KIAA1217: variants seen among roughly 807,000 people sequenced by gnomAD.
KIAA1217 encodes sickle tail protein homolog.
A neutral mutation model predicts 163.9 loss-of-function variants in KIAA1217; 88 were observed. The observed-to-expected ratio is 0.54, with a 90% CI of 0.45 to 0.64. The LOEUF (loss-of-function observed/expected upper bound fraction) is 0.64, where lower values mean the gene tolerates loss of function less well. KIAA1217 is among the 30% of genes least tolerant of loss of function. The pLI, the probability that KIAA1217 is intolerant of heterozygous loss-of-function variation, is 0.00. For missense variants in KIAA1217, 2,372 were observed against 2,475.0 expected (o/e 0.96, Z 0.88); for synonymous variants, 903 against 923.1 (o/e 0.98, Z 0.39).
intron 1 of KIAA1217, chr10:24,007,087 C>A (rs1426646592): frequency 6.6e-6 from 1 of 151,884 alleles, no homozygotes; most frequent in Non-Finnish European, 1.5e-5. Flanking sequence ...TACAAAGCAT[C>A]CTGAGCCAGG....
At chr10:24,148,517 C>A (rs2064447146) in intron 2 of KIAA1217, among the ~76,000 whole-genome samples, 1 of 152,060 alleles carries the variant, frequency 6.6e-6, no homozygotes, top group African/African-American at 2.4e-5. Flanking sequence ...GGCGCTATTC[C>A]CATGGTAATG....
At chr10:23,929,555 C>T (rs995797667) in intron 1 of KIAA1217, among the ~76,000 whole-genome samples, 12 of 152,116 alleles carry the variant, frequency 7.9e-5, no homozygotes, top group African/African-American at 2.9e-4. Flanking sequence ...TAAGTGAGAA[C>T]ATGTAGTATT....
intron 1 of KIAA1217, among the ~76,000 whole-genome samples, chr10:23,924,062 T>G (rs574715141): frequency 1.3e-5 from 2 of 152,166 alleles, no homozygotes; most frequent in African/African-American, 4.8e-5. Flanking sequence ...AAATGTTATA[T>G]TTAGAATTAC....
intron 1 of KIAA1217, among the ~76,000 whole-genome samples, chr10:23,936,297 G>T (rs1032104906): frequency 6.6e-6 from 1 of 152,066 alleles, no homozygotes; most frequent in African/African-American, 2.4e-5. Flanking sequence ...AGGGAAAGGT[G>T]GAGTGTAGAA....
chr10:23,775,862 G>A (rs1834988117), intron 1 of KIAA1217, among the ~76,000 whole-genome samples: 2 of 151,986 alleles, frequency 1.3e-5, no homozygotes, highest in Non-Finnish European at 2.9e-5. Flanking sequence ...TTTCCCACTG[G>A]TCAGTGCCTT....
chr10:24,141,225 A>AACCCCCCCC (rs796365302), intron 2 of KIAA1217, among the ~76,000 whole-genome samples: 1 of 76,258 alleles, frequency 1.3e-5, no homozygotes, highest in Non-Finnish European at 2.7e-5. Flanking sequence ...GAAAGAATAA[A>AACCCCCCCC]CCCCCCCCCC....
intron 2 of KIAA1217, among the ~76,000 whole-genome samples, chr10:24,306,037 A>G (rs1393366943): frequency 6.6e-6 from 1 of 152,204 alleles, no homozygotes; most frequent in Non-Finnish European, 1.5e-5. Flanking sequence ...AGAGAGTTAT[A>G]TTCAAATTCT....
At chr10:23,780,596 ATCT>A (rs1835213069) in intron 1 of KIAA1217, among the ~76,000 whole-genome samples, 1 of 152,220 alleles carries the variant, frequency 6.6e-6, no homozygotes, top group Non-Finnish European at 1.5e-5. Context: ...AAAAGGCAAG[ATCT>A]TCTTTCTTAA....
chr10:24,085,133 C>T (rs1237870169), intron 2 of KIAA1217, among the ~76,000 whole-genome samples: 2 of 152,074 alleles, frequency 1.3e-5, no homozygotes, highest in Non-Finnish European at 2.9e-5. Context: ...CCAGGATGGT[C>T]TCGATCTCCT....
At chr10:24,131,431 T>C (rs1444484177) in intron 2 of KIAA1217, among the ~76,000 whole-genome samples, 2 of 152,202 alleles carry the variant, frequency 1.3e-5, no homozygotes, top group African/African-American at 4.8e-5. Flanking sequence ...GAAAACATTT[T>C]CACAAAAATA....
chr10:23,935,891 C>A (rs1266484453), intron 1 of KIAA1217, among the ~76,000 whole-genome samples: 4 of 152,088 alleles, frequency 2.6e-5, no homozygotes. Flanking sequence ...AGGGTCCCAA[C>A]AGAAAACAGA....
chr10:23,766,486 G>A (rs1834520348), intron 1 of KIAA1217, among the ~76,000 whole-genome samples: 1 of 151,894 alleles, frequency 6.6e-6, no homozygotes, highest in South Asian at 2.1e-4. Flanking sequence ...TGACTCTGGA[G>A]CTGTTGGTAT....
intron 1 of KIAA1217, among the ~76,000 whole-genome samples, chr10:23,912,427 C>T (rs956964869): frequency 2.0e-5 from 3 of 151,792 alleles, no homozygotes; most frequent in Non-Finnish European, 1.5e-5. Flanking sequence ...TTGGTGTACC[C>T]ATCATCTAAA....
At chr10:23,887,254 A>G (rs10828565) in intron 1 of KIAA1217, among the ~76,000 whole-genome samples, 36,839 of 151,784 alleles carry the variant, frequency 0.24, 4,595 homozygotes, top group Middle Eastern at 0.33. Context: ...AAAGCATTAT[A>G]TAAGTGTTTT....
intron 6 of KIAA1217, among the ~76,000 whole-genome samples, chr10:24,492,863 T>C (rs1336162316): frequency 3.3e-5 from 5 of 152,042 alleles, no homozygotes; most frequent in African/African-American, 7.2e-5. Flanking sequence ...TTTTTTTTTT[T>C]TTGAGACAGT....
chr10:23,983,718 C>CCTTCCCTCTTG (rs1218814769), intron 1 of KIAA1217, among the ~76,000 whole-genome samples: 1 of 152,144 alleles, frequency 6.6e-6, no homozygotes, highest in Non-Finnish European at 1.5e-5. Context: ...TAGACAGTGG[C>CCTTCCCTCTTG]CTTCCCTCTT....
At chr10:24,331,069 A>G (rs1436437481) in intron 2 of KIAA1217, among the ~76,000 whole-genome samples, 5 of 151,812 alleles carry the variant, frequency 3.3e-5, no homozygotes, top group African/African-American at 1.2e-4. Flanking sequence ...TCGGTCTCCC[A>G]GGTAGCTGGG....
At position 23,874,200 on chromosome 10, in the gene KIAA1217, T is replaced by G. The variant is rs752038488; in HGVS notation, c.-320-133025T>G. ...CAGCCCACAGCTCCTACTAATCGGC[T>G]GTGAGTCATCACAGATTTGTCTAAT... On this transcript the variant is annotated intron_variant, in intron 1 of 18. Coordinates refer to the KIAA1217 transcript ENST00000376462. 4.5e-4 allele frequency among the ~76,000 whole-genome samples: 69 copies of G among 152,074 alleles called. 1 individual carries two copies. Among genetic ancestry groups the G allele is most frequent in the Admixed American group, 5.9e-4 (9 of 15,260 alleles).
At chr10:24,368,833 C>G in intron 2 of KIAA1217, 1 of 983,586 alleles carries the variant, frequency 1.0e-6, no homozygotes, top group Admixed American at 6.1e-5. Context: ...GAGAGTAACA[C>G]CAGCTTACTA....
Sources: allele counts gnomAD v4.1 joint callset (sites outside exome capture counted in the v4.1 genomes callset), GRCh38; gene constraint gnomAD v4.1.1; transcripts MANE v1.5; gene names NCBI Gene and HGNC (gene_info 2026-07-23, HGNC 2026-07-21).